The following CDK20 variants were observed in gnomAD, a reference collection of about 807,000 sequenced individuals.
CDK20 encodes cyclin-dependent kinase 20.
Under a neutral mutation model 38.6 loss-of-function variants are expected in CDK20, and 40 were observed. The observed-to-expected ratio is 1.04, with a 90% CI of 0.81 to 1.35. The LOEUF is 1.35. CDK20 is among the 40% of genes most tolerant of loss of function. The pLI, the probability that CDK20 is intolerant of heterozygous loss-of-function variation, is 0.00. For missense variants in CDK20, 512 were observed against 452.6 expected (o/e 1.13, Z -1.19); for synonymous variants, 209 against 185.7 (o/e 1.13, Z -1.02).
At position 87,966,970 on chromosome 9, in the gene CDK20, C is replaced by A; in HGVS notation, c.*492G>T. The A allele has an allele frequency of 2.3e-6, 1 of 443,636 alleles. No homozygotes were observed. The highest frequency in any genetic ancestry group is 1.6e-5 in the South Asian group (1 of 62,334). 27.5% of individuals were successfully genotyped at this position (443,636 alleles called of 1,614,324 possible). ...AAGGAGGAACAGACATAAGGCAGAG[C>A]CACCTGAGGTTTTTAGAATCTATAT... On this transcript the variant is annotated 3_prime_UTR_variant, in exon 8 of 8. Coordinates refer to ENST00000325303, the MANE Select transcript of CDK20 (RefSeq NM_001039803.3).
At chr9:87,971,638 TCA>T (rs1343102403) in intron 2 of CDK20, among the ~76,000 whole-genome samples, 3 of 152,086 alleles carry the variant, frequency 2.0e-5, no homozygotes, top group African/African-American at 7.2e-5. Flanking sequence ...ATCTGGATGG[TCA>T]CACATGAGAT....
Position 87,966,891 on chromosome 9 carries a change from A to C in CDK20, c.*571T>G. On this transcript the variant is annotated 3_prime_UTR_variant, in exon 8 of 8. Coordinates refer to ENST00000325303, the MANE Select transcript of CDK20 (RefSeq NM_001039803.3). ...CTGGTGCTACCCTCCCCATGACCCCAAAAACGAGAGCCATGAGACAATGCC... is the reference window on the plus strand; with the variant it reads ...CTGGTGCTACCCTCCCCATGACCCCCAAAACGAGAGCCATGAGACAATGCC... 1 of 375,970 alleles carries C rather than the reference A, an allele frequency of 2.7e-6. No homozygotes were observed. Among genetic ancestry groups the C allele is most frequent in the Non-Finnish European group, 5.3e-6 (1 of 189,608 alleles). The allele number at this position is 375,970 out of a possible 1,614,324, so 23.3% of individuals were successfully genotyped here. A position where few individuals can be genotyped will look rare whatever the true frequency, so the allele number is the denominator to read the frequency against.
At chr9:87,973,245 C>T (rs922950219) in intron 2 of CDK20, among the ~76,000 whole-genome samples, 2 of 152,156 alleles carry the variant, frequency 1.3e-5, no homozygotes, top group African/African-American at 4.8e-5. Context: ...GAAAGATGCC[C>T]CTCTTCGTGT....
chr9:87,972,051 A>G (rs1208957735), intron 2 of CDK20, among the ~76,000 whole-genome samples: 1 of 152,040 alleles, frequency 6.6e-6, no homozygotes, highest in Non-Finnish European at 1.5e-5. Context: ...AAAAAATACA[A>G]AAAACTAGCC....
intron 2 of CDK20, 134 bp from the exon 3 acceptor site, chr9:87,971,469 C>T: frequency 1.3e-6 from 1 of 753,278 alleles, no homozygotes; most frequent in Middle Eastern, 2.4e-4. Context: ...TGACGTGGAC[C>T]TGAGCTAAGA....
Position 87,967,463 on chromosome 9 carries a change from C to A in CDK20, c.1040G>T (p.Ter347LeuextTer92). ...ELIRPFILEG[*>L] is the part of the protein sequence containing the mutation. ...GCAGACGGGACCAGGGCCAACTTCT[C>A]ACCCCTCCAGGATGAAGGGCCGAAT... The change falls in exon 8 of 8, where the codon TGA becomes TTA. Residue 347 changes from the stop codon to leucine (L), a stop_lost. Transcript: ENST00000325303. 1 of 1,553,672 alleles carries A rather than the reference C, an allele frequency of 6.4e-7. No individual in the cohort carries two copies. Among genetic ancestry groups the A allele is most frequent in the Non-Finnish European group, 8.7e-7 (1 of 1,148,222 alleles).
chr9:87,971,304 C>G lies in CDK20; in HGVS notation c.221G>C (p.Gly74Ala), dbSNP rs764037601. ...CTCAAAGGCCAGCACAAAGCCTCCA[C>G]CGTGTGGGAACACAGCCTTCAGTTG... ...VVQLKAVFPH[G>A]GGFVLAFEFM... The change falls in exon 3 of 8, where the codon GGT becomes GCT. Residue 74 changes from glycine (G) to alanine (A), a missense_variant. Coordinates refer to ENST00000325303, the MANE Select transcript of CDK20 (RefSeq NM_001039803.3). 6.2e-7 allele frequency: 1 copy of G among 1,613,826 alleles called. No homozygotes were observed. The highest frequency in any genetic ancestry group is 8.5e-7 in the Non-Finnish European group (1 of 1,179,868).
At position 87,971,252 on chromosome 9, in the gene CDK20, C is replaced by CACCTCGGCCAGATCCGACA; in HGVS notation, c.254_272dup (p.Arg93GlyfsTer96). ...CTAGTGGCCTCTGGGCATGGCGCAC[C>CACCTCGGCCAGATCCGACA]ACCTCGGCCAGATCCGACAGCATGA... On this transcript the variant is annotated frameshift_variant, in exon 3 of 8. Transcript: ENST00000325303. LOFTEE classifies it high-confidence loss of function. 6.2e-7 allele frequency: 1 copy of CACCTCGGCCAGATCCGACA among 1,613,994 alleles called. No individual in the cohort carries two copies. The highest frequency in any genetic ancestry group is 1.1e-5 in the South Asian group (1 of 91,082).
Position 87,966,936 on chromosome 9 carries a change from A to G in CDK20, c.*526T>C, listed in dbSNP as rs146965761. 454 of 405,794 alleles carry G rather than the reference A, an allele frequency of 1.1e-3. No homozygotes were observed. Among genetic ancestry groups the G allele is most frequent in the African/African-American group, 8.3e-3 (404 of 48,652 alleles). 25.1% of individuals were successfully genotyped at this position (405,794 alleles called of 1,614,324 possible). A position where few individuals can be genotyped will look rare whatever the true frequency, so the allele number is the denominator to read the frequency against. The stretch of plus-strand genomic sequence containing the variant: ...AATGCCACCTTAGCCATTTCCCTTG[A>G]GAGAAATGAAGGAGGAACAGACATA... On this transcript the variant is annotated 3_prime_UTR_variant, in exon 8 of 8. Transcript: ENST00000325303.
Position 87,971,319 on chromosome 9 carries a change from G to C in CDK20, c.206C>G (p.Ala69Gly), listed in dbSNP as rs1314822169. ...EDNQYVVQLK[A>G]VFPHGGGFVL... ...AAAGCCTCCACCGTGTGGGAACACAGCCTTCAGTTGTACCACCTGTGGGCA... is the reference window on the plus strand; with the variant it reads ...AAAGCCTCCACCGTGTGGGAACACACCCTTCAGTTGTACCACCTGTGGGCA... Residue 69 changes from alanine to glycine, a missense_variant, in exon 3 of 8, where the codon GCT (alanine) becomes GGT (glycine). Ala to Gly is a moderately conservative substitution (Grantham distance 60, BLOSUM62 0). Coordinates refer to ENST00000325303, the MANE Select transcript of CDK20 (RefSeq NM_001039803.3). 6.2e-7 allele frequency: 1 copy of C among 1,613,000 alleles called. No homozygotes were observed. Among genetic ancestry groups the C allele is most frequent in the Non-Finnish European group, 8.5e-7 (1 of 1,179,500 alleles).
chr9:87,972,647 T>C (rs1026113862), intron 2 of CDK20, among the ~76,000 whole-genome samples: 13 of 152,170 alleles, frequency 8.5e-5, no homozygotes, highest in African/African-American at 2.9e-4. Flanking sequence ...ACTGTGGCTA[T>C]GGAGAGCAGT....
At chr9:87,969,706 G>C in intron 6 of CDK20, 90 bp downstream of exon 6, 2 of 1,578,040 alleles carry the variant, frequency 1.3e-6, no homozygotes, top group African/African-American at 2.7e-5. Context: ...GGGGCCAGGA[G>C]AGAGAAGGTT....
At chr9:87,971,942 G>A (rs763659333) in intron 2 of CDK20, among the ~76,000 whole-genome samples, 23 of 152,232 alleles carry the variant, frequency 1.5e-4, no homozygotes, top group Non-Finnish European at 2.2e-4. Flanking sequence ...GACGTCTCAT[G>A]CCCGTAATCC....
intron 6 of CDK20, 76 bp downstream of exon 6, chr9:87,969,720 G>C: frequency 6.2e-7 from 1 of 1,600,494 alleles, no homozygotes; most frequent in Non-Finnish European, 8.5e-7. Context: ...GAAGGTTCAG[G>C]GGAGGGAGTG....
At position 87,974,513 on chromosome 9, in the gene CDK20, C is replaced by A. The variant is rs1830096990; in HGVS notation, c.-67G>T. On this transcript the variant is annotated 5_prime_UTR_variant, in exon 1 of 8. Transcript: ENST00000325303. ...TCCAAACTCCACTTCTCCTCCACCC[C>A]ACGCTGATCTGAGCTCGCACGCTGT... 2.8e-6 allele frequency: 4 copies of A among 1,441,888 alleles called. No individual in the cohort carries two copies. The highest frequency in any genetic ancestry group is 2.4e-5 in the East Asian group (1 of 41,880). The allele number at this position is 1,441,888 out of a possible 1,614,324, so 89.3% of individuals were successfully genotyped here. A position where few individuals can be genotyped will look rare whatever the true frequency, so the allele number is the denominator to read the frequency against.
rs746825278 is a variant in CDK20, at chr9:87,969,187, C to T, written c.843+7G>A. On this transcript the variant is annotated splice_region_variant and intron_variant, in intron 7 of 7. Transcript: ENST00000325303. ...GAAGGAGCAGAGACTACAGCCTCTC[C>T]CCCTACCTTGGAAGCTGCGATGCGC... The T allele has an allele frequency of 5.0e-6, 8 of 1,613,426 alleles. No homozygotes were observed. The highest frequency in any genetic ancestry group is 3.3e-5 in the Admixed American group (2 of 59,992).
At chr9:87,971,360 C>T (rs1375108084) in intron 2 of CDK20, 25 bp from the exon 3 acceptor site, 1 of 1,591,298 alleles carries the variant, frequency 6.3e-7, no homozygotes, top group Admixed American at 1.8e-5. Flanking sequence ...TCTTGTTAGC[C>T]CCCAGACTCA....
chr9:87,969,135 A>G (rs1295617828), intron 7 of CDK20, 59 bp downstream of exon 7: 1 of 1,575,512 alleles, frequency 6.3e-7, no homozygotes, highest in Non-Finnish European at 8.7e-7. Context: ...CCAAGTACAG[A>G]GTACCAGGGT....
chr9:87,972,758 C>T (rs1829951241), intron 2 of CDK20, among the ~76,000 whole-genome samples: 1 of 152,152 alleles, frequency 6.6e-6, no homozygotes, highest in South Asian at 2.1e-4. Context: ...AATTGCTGAC[C>T]AACTGGATGT....
Sources: allele counts gnomAD v4.1 joint callset (sites outside exome capture counted in the v4.1 genomes callset), GRCh38; gene constraint gnomAD v4.1.1; transcripts MANE v1.5; gene names NCBI Gene and HGNC (gene_info 2026-07-23, HGNC 2026-07-21).